The following CCDC27 variants were observed in gnomAD, a reference collection of about 807,000 sequenced individuals.
CCDC27 encodes the protein coiled-coil domain-containing protein 27.
CCDC27 carries 80 observed loss-of-function variants against 80.3 expected under a neutral mutation model. The observed-to-expected ratio is 1.00, with a 90% confidence interval of 0.83 to 1.20. CCDC27 has a LOEUF of 1.20. Ranked by LOEUF, CCDC27 falls within the 50% of genes most tolerant of loss-of-function variation. The probability of loss-of-function intolerance (pLI) is 0.00; values close to 1 mark genes in which losing one functional copy is unlikely to be tolerated. For missense variants in CCDC27, 815 were observed against 809.4 expected (o/e 1.01, Z -0.08); for synonymous variants, 342 against 334.3 (o/e 1.02, Z -0.25).
chr1:3,758,281 C>T (rs537048169), intron 4 of CCDC27, among the ~76,000 whole-genome samples: 3 of 150,976 alleles, frequency 2.0e-5, no homozygotes, highest in South Asian at 4.2e-4. Flanking sequence ...CTCTGCCTCC[C>T]GGGTTCAAGC....
intron 5 of CCDC27, among the ~76,000 whole-genome samples, chr1:3,762,404 G>A (rs953089234): frequency 6.6e-6 from 1 of 152,154 alleles, no homozygotes; most frequent in African/African-American, 2.4e-5. Context: ...TGCTCTGGGG[G>A]TGCCTAGAGC....
chr1:3,770,903 T>C (rs932232349), intron 11 of CCDC27, among the ~76,000 whole-genome samples: 1 of 152,166 alleles, frequency 6.6e-6, no homozygotes, highest in Non-Finnish European at 1.5e-5. Context: ...CTTTGCTTGC[T>C]TGCCATAGCC....
Position 3,763,538 on chromosome 1 carries a change from A to T in CCDC27, c.1321+64A>T, listed in dbSNP as rs139212906. ...AGTGGTTCCCGGCCCAGGAGCTGGG[A>T]CGCCCAGACGCTGCCTGCTCTGGTC... On this transcript the variant is annotated intron_variant, in intron 7 of 11. Transcript: ENST00000294600. This position sits in a 1 kb window ranked among gnomAD's most constrained non-coding sequence, Gnocchi z 7.5. 1.8e-3 allele frequency: 2,730 copies of T among 1,547,324 alleles called. 6 individuals carry two copies. The highest frequency in any genetic ancestry group is 2.1e-3 in the Non-Finnish European group (2,356 of 1,146,454).
rs538846684 is a variant in CCDC27, at chr1:3,759,327, A to T, written c.712-1954A>T. Among the ~76,000 whole-genome samples the T allele has an allele frequency of 1.2e-3, 184 of 152,308 alleles. 2 individuals are homozygous for T. Among genetic ancestry groups the T allele is most frequent in the Non-Finnish European group, 1.3e-4 (9 of 68,036 alleles). The stretch of plus-strand genomic sequence containing the variant: ...TTTTCTAGGAATGCATCTATTTCAC[A>T]TAAGATTTTTTATGTATCAGCCTAA... On this transcript the variant is annotated intron_variant, in intron 4 of 11. Coordinates refer to ENST00000294600, the MANE Select transcript of CCDC27 (RefSeq NM_152492.3).
chr1:3,752,626 G>A lies in CCDC27; in HGVS notation c.145G>A (p.Glu49Lys), dbSNP rs1384028907. 5 of 1,614,070 alleles carry A rather than the reference G, an allele frequency of 3.1e-6. No individual in the cohort carries two copies. In the Admixed American group the frequency reaches 8.3e-5, roughly 27 times the overall value. Residue 49 changes from glutamate (E) to lysine (K), a missense_variant, in exon 1 of 12, where the codon GAG becomes AAG. Transcript: ENST00000294600. ...LCIPRLMLPK[E>K]ASPSQRHSSM... The stretch of plus-strand genomic sequence containing the variant: ...CATCCCACGCCTCATGTTACCTAAG[G>A]AGGCCAGCCCATCTCAGAGGCACAG...
rs1012101898 is a variant in CCDC27 at position 3,760,798 on chromosome 1, A to G, written c.712-483A>G. Among the ~76,000 whole-genome samples, 1 of 152,194 alleles carries G rather than the reference A, an allele frequency of 6.6e-6. No individual in the cohort carries two copies. Among genetic ancestry groups the G allele is most frequent in the African/African-American group, 2.4e-5 (1 of 41,446 alleles). ...TTCTTTCAATTTCTGTTTGCCTGAA[A>G]ACATCTTTATTTTTGTCTTTAATTT... is the stretch of plus-strand genomic sequence containing the variant. On this transcript the variant is annotated intron_variant, in intron 4 of 11. Coordinates refer to ENST00000294600, the MANE Select transcript of CCDC27 (RefSeq NM_152492.3). This position sits in a 1 kb window ranked among gnomAD's most constrained non-coding sequence, Gnocchi z 4.3.
intron 1 of CCDC27, 67 bp downstream of exon 1, chr1:3,752,866 G>T (rs1642858069): frequency 9.4e-6 from 14 of 1,497,032 alleles, no homozygotes; most frequent in Non-Finnish European, 1.3e-5. Flanking sequence ...CTCCCCAAAG[G>T]CCCATAGAGC....
In CCDC27 at chr1:3,763,487, CG is replaced by C. The variant is rs774510476; in HGVS notation, c.1321+19del. The C allele has an allele frequency of 3.2e-6, 5 of 1,577,874 alleles. No homozygotes were observed. Among genetic ancestry groups the C allele is most frequent in the Admixed American group, 1.8e-5 (1 of 56,656 alleles). On this transcript the variant is annotated intron_variant, in intron 7 of 11. Transcript: ENST00000294600. This position sits in a 1 kb window ranked among gnomAD's most constrained non-coding sequence, Gnocchi z 7.5. ...TCCCTTGCAACAGGTAGGGCCTCGGCGGGGGGCACTGGGCTTTGGCCACTCA... is the reference window on the plus strand; with the variant it reads ...TCCCTTGCAACAGGTAGGGCCTCGGCGGGGGCACTGGGCTTTGGCCACTCA...
At chr1:3,755,254 G>T (rs1557620084) in intron 2 of CCDC27, among the ~76,000 whole-genome samples, 1 of 152,212 alleles carries the variant, frequency 6.6e-6, no homozygotes, top group East Asian at 1.9e-4. Flanking sequence ...AGCCACACTT[G>T]GGTCTGCTGA....
At chr1:3,756,542 G>A (rs892868619) in intron 3 of CCDC27, 191 bp from the exon 4 acceptor site, 5 of 562,920 alleles carry the variant, frequency 8.9e-6, no homozygotes, top group Admixed American at 6.2e-5. Context: ...GCGCCCCATC[G>A]TGTTCACAGC....
chr1:3,761,203 T>G lies in CCDC27; in HGVS notation c.712-78T>G. On this transcript the variant is annotated intron_variant, in intron 4 of 11. Coordinates refer to ENST00000294600, the MANE Select transcript of CCDC27 (RefSeq NM_152492.3). This position sits in a 1 kb window ranked among gnomAD's most constrained non-coding sequence, Gnocchi z 5.0. Reference sequence around the variant, plus strand: ...ACCACGACAGCAGATCTGCTCCTCCTGGGTGGGCTGGAGGCAGGTCAGGGG... The same window carrying G: ...ACCACGACAGCAGATCTGCTCCTCCGGGGTGGGCTGGAGGCAGGTCAGGGG... 6.5e-7 allele frequency: 1 copy of G among 1,543,290 alleles called. No homozygotes were observed. The highest frequency in any genetic ancestry group is 8.8e-7 in the Non-Finnish European group (1 of 1,137,066).
chr1:3,761,458 C>T lies in CCDC27; in HGVS notation c.861+28C>T. The T allele has an allele frequency of 1.2e-6, 2 of 1,610,540 alleles. No individual in the cohort carries two copies. The highest frequency in any genetic ancestry group is 2.2e-5 in the South Asian group (2 of 90,832). ...GAGCCAGCCCCAGCGGGGCACAGCG[C>T]AGAGCTCTAAGACGGTTGTTTTCAA... On this transcript the variant is annotated intron_variant, in intron 5 of 11. Transcript: ENST00000294600. The surrounding 1 kb of genome is among the most constrained non-coding windows in gnomAD (Gnocchi z 5.0).
chr1:3,763,551 G>C lies in CCDC27; in HGVS notation c.1321+77G>C. On this transcript the variant is annotated intron_variant, in intron 7 of 11. Coordinates refer to ENST00000294600, the MANE Select transcript of CCDC27 (RefSeq NM_152492.3). This position sits in a 1 kb window ranked among gnomAD's most constrained non-coding sequence, Gnocchi z 7.5. ...CCAGGAGCTGGGACGCCCAGACGCT[G>C]CCTGCTCTGGTCAGTGAGCTGGAGC... 1 of 1,549,140 alleles carries C rather than the reference G, an allele frequency of 6.5e-7. No individual in the cohort carries two copies. Among genetic ancestry groups the C allele is most frequent in the Non-Finnish European group, 8.7e-7 (1 of 1,146,168 alleles).
At chr1:3,752,983 C>G (rs1296815634) in intron 1 of CCDC27, among the ~76,000 whole-genome samples, 184 bp downstream of exon 1, 1 of 152,216 alleles carries the variant, frequency 6.6e-6, no homozygotes, top group Non-Finnish European at 1.5e-5. Context: ...CCCTGCGGTC[C>G]TCTCCCTTTC....
intron 3 of CCDC27, 66 bp from the exon 4 acceptor site, chr1:3,756,667 G>C (rs4648404): frequency 1.9e-6 from 3 of 1,569,278 alleles, no homozygotes; most frequent in Non-Finnish European, 8.7e-7. Context: ...TGTCGTCATC[G>C]AAGACGCCAG....
At position 3,771,417 on chromosome 1, in the gene CCDC27, G is replaced by C; in HGVS notation, c.1865G>C (p.Arg622Thr). Residue 622 changes from arginine (R) to threonine (T), a missense_variant, in exon 12 of 12, where the codon AGA becomes ACA. By Grantham distance (71) the Arg-to-Thr change is moderately conservative. Coordinates refer to ENST00000294600, the MANE Select transcript of CCDC27 (RefSeq NM_152492.3). ...LEALQRIISERSDYYNQLKQK... is the reference protein window; with the variant it reads ...LEALQRIISETSDYYNQLKQK... The stretch of plus-strand genomic sequence containing the variant: ...CTTGTGTAGAGAATTATCTCAGAGA[G>C]AAGCGACTACTATAATCAGCTGAAG... 1.2e-6 allele frequency: 2 copies of C among 1,614,100 alleles called. No homozygotes were observed. Among genetic ancestry groups the C allele is most frequent in the Non-Finnish European group, 1.7e-6 (2 of 1,179,998 alleles).
At chr1:3,756,345 GAA>G (rs535731871) in intron 3 of CCDC27, 16 of 138,180 alleles carry the variant, frequency 1.2e-4, no homozygotes, top group South Asian at 2.1e-4. Flanking sequence ...ATCTCAAAAA[GAA>G]AAAAAAAAAA....
intron 6 of CCDC27, 119 bp downstream of exon 6, chr1:3,762,831 C>A (rs889801090): frequency 2.0e-6 from 2 of 1,013,802 alleles, no homozygotes; most frequent in Non-Finnish European, 2.8e-6. Flanking sequence ...ACCTGGGGTG[C>A]CCCACTCCAG....
rs1425786835 is a variant in CCDC27, at chr1:3,760,655, A to G, written c.712-626A>G. ...ACAGAAGCCTATCACTTACTTTCCA[A>G]ACATTTAGGGGACTTTCTAGTTATC... On this transcript the variant is annotated intron_variant, in intron 4 of 11. Coordinates refer to ENST00000294600, the MANE Select transcript of CCDC27 (RefSeq NM_152492.3). This position sits in a 1 kb window ranked among gnomAD's most constrained non-coding sequence, Gnocchi z 4.3. 6.6e-6 allele frequency among the ~76,000 whole-genome samples: 1 copy of G among 152,114 alleles called. No individual in the cohort carries two copies. The highest frequency in any genetic ancestry group is 1.5e-5 in the Non-Finnish European group (1 of 68,026).
Sources: gnomAD v4.1 joint callset for allele counts (sites outside exome capture counted in the v4.1 genomes callset) on GRCh38, gnomAD v4.1.1 for gene constraint, Gnocchi (gnomAD v3.1) non-coding constraint, MANE v1.5 for transcripts, NCBI Gene and HGNC (gene_info 2026-07-23, HGNC 2026-07-21) for gene names.